The following KBTBD2 variants were observed in gnomAD, a reference collection of about 807,000 sequenced individuals.
The protein encoded by KBTBD2 is kelch repeat and BTB domain containing 2.
Under a neutral mutation model 57.1 loss-of-function variants are expected in KBTBD2, and 17 were observed. That is an observed-to-expected ratio of 0.30 (90% CI 0.20 to 0.45). The LOEUF (loss-of-function observed/expected upper bound fraction) is 0.45, where lower values mean the gene tolerates loss of function less well. Ranked by LOEUF, KBTBD2 falls within the 20% of genes least tolerant of loss-of-function variation. The probability of loss-of-function intolerance (pLI) is 1.00; values close to 1 mark genes in which losing one functional copy is unlikely to be tolerated. For missense variants in KBTBD2, 515 were observed against 750.6 expected (o/e 0.69, Z 3.67); for synonymous variants, 267 against 262.7 (o/e 1.02, Z -0.16).
intron 2 of KBTBD2, among the ~76,000 whole-genome samples, chr7:32,876,999 G>A (rs1784328724): frequency 6.6e-6 from 1 of 150,772 alleles, no homozygotes; most frequent in East Asian, 1.9e-4. Flanking sequence ...CCACTATAAA[G>A]AGCCAATAGG....
chr7:32,872,022 CCTG>C (rs1405490467), intron 3 of KBTBD2, among the ~76,000 whole-genome samples: 1 of 152,084 alleles, frequency 6.6e-6, no homozygotes, highest in African/African-American at 2.4e-5. Flanking sequence ...CTGAGAAATG[CCTG>C]CTTTTAAAAG....
intron 3 of KBTBD2, among the ~76,000 whole-genome samples, chr7:32,873,601 G>T (rs1447134602): frequency 6.6e-6 from 1 of 152,122 alleles, no homozygotes; most frequent in East Asian, 1.9e-4. Context: ...GGGCATGGTG[G>T]TACATGCCTG....
intron 2 of KBTBD2, among the ~76,000 whole-genome samples, chr7:32,877,578 T>C (rs1223605015): frequency 1.3e-5 from 2 of 152,160 alleles, no homozygotes; most frequent in African/African-American, 4.8e-5. Context: ...GCATTAGATG[T>C]AAAGATCTCG....
At chr7:32,888,150 T>G (rs2127957875) in intron 1 of KBTBD2, among the ~76,000 whole-genome samples, 1 of 152,320 alleles carries the variant, frequency 6.6e-6, no homozygotes, top group South Asian at 2.1e-4. Context: ...TATTGGGACT[T>G]TTTTGCAAAC....
chr7:32,887,493 CAAAT>C (rs1232900135), intron 1 of KBTBD2, among the ~76,000 whole-genome samples: 1 of 152,146 alleles, frequency 6.6e-6, no homozygotes, highest in East Asian at 1.9e-4. Flanking sequence ...TTGTAGCCCA[CAAAT>C]ACATACAATT....
chr7:32,878,106 T>C (rs886122442), intron 2 of KBTBD2, among the ~76,000 whole-genome samples: 8 of 148,090 alleles, frequency 5.4e-5, no homozygotes, highest in Non-Finnish European at 1.5e-5. Context: ...ATTGCGACTG[T>C]CTTTAAAAAA....
chr7:32,878,597 AAAAC>A (rs1485514186), intron 2 of KBTBD2, among the ~76,000 whole-genome samples: 7 of 152,088 alleles, frequency 4.6e-5, no homozygotes, highest in Non-Finnish European at 5.9e-5. Flanking sequence ...AAAAAAAACA[AAAAC>A]AAAACAAAAC....
chr7:32,884,668 C>T (rs921832745), intron 1 of KBTBD2, among the ~76,000 whole-genome samples: 1 of 151,810 alleles, frequency 6.6e-6, no homozygotes, highest in African/African-American at 2.4e-5. Context: ...CCAGCCTGGG[C>T]AACAAGAGAG....
chr7:32,881,894 A>T (rs546646369), intron 1 of KBTBD2, among the ~76,000 whole-genome samples: 2 of 152,318 alleles, frequency 1.3e-5, no homozygotes, highest in South Asian at 4.1e-4. Flanking sequence ...ACACTTTTCC[A>T]GATTTTATAG....
chr7:32,889,317 G>C (rs1308413628), intron 1 of KBTBD2, among the ~76,000 whole-genome samples: 2 of 151,112 alleles, frequency 1.3e-5, no homozygotes, highest in East Asian at 3.9e-4. Flanking sequence ...AATTACTTGA[G>C]ATCGGCCGTC....
At chr7:32,882,837 T>A (rs1455158348) in intron 1 of KBTBD2, among the ~76,000 whole-genome samples, 7 of 149,382 alleles carry the variant, frequency 4.7e-5, no homozygotes, top group Admixed American at 1.3e-4. Context: ...CACAAAAAAA[T>A]TAGCTGGACA....
At chr7:32,889,422 G>A (rs1416343799) in intron 1 of KBTBD2, among the ~76,000 whole-genome samples, 3 of 152,014 alleles carry the variant, frequency 2.0e-5, no homozygotes, top group African/African-American at 7.2e-5. Context: ...CCAACATGGT[G>A]AACCCTCATC....
intron 1 of KBTBD2, among the ~76,000 whole-genome samples, chr7:32,884,387 AT>A (rs776886805): frequency 0.019 from 2,143 of 115,140 alleles, 27 homozygotes; most frequent in South Asian, 0.024. Context: ...AAAATTTTTA[AT>A]TTAAAAAAAA....
intron 1 of KBTBD2, among the ~76,000 whole-genome samples, chr7:32,888,918 T>C (rs1011783290): frequency 1.3e-5 from 2 of 152,166 alleles, no homozygotes; most frequent in African/African-American, 4.8e-5. Flanking sequence ...ATAAAGGCAA[T>C]GCCACCTGCG....
chr7:32,870,142 T>C lies in KBTBD2; in HGVS notation c.1075A>G (p.Thr359Ala), dbSNP rs759534818. 3.7e-6 allele frequency: 6 copies of C among 1,614,198 alleles called. No homozygotes were observed. Among genetic ancestry groups the C allele is most frequent in the East Asian group, 2.2e-5 (1 of 44,876 alleles). Residue 359 changes from threonine to alanine, a missense_variant, in exon 4 of 4, where the codon ACC (threonine) becomes GCC (alanine). Transcript: ENST00000304056. Reference protein sequence around the residue: ...CFYWFDAQQNTWFPKTPMLFV... With the variant: ...CFYWFDAQQNAWFPKTPMLFV... Reference sequence around the variant, plus strand: ...AGCATTGGGGTCTTTGGAAACCAGGTATTTTGCTGTGCATCAAACCAATAA... The same window carrying C: ...AGCATTGGGGTCTTTGGAAACCAGGCATTTTGCTGTGCATCAAACCAATAA...
chr7:32,883,379 T>A (rs1355849190), intron 1 of KBTBD2, among the ~76,000 whole-genome samples: 1 of 152,116 alleles, frequency 6.6e-6, no homozygotes, highest in Admixed American at 6.6e-5. Context: ...ACAGCAAGAC[T>A]CTGTCTCACG....
chr7:32,870,884 G>T lies in KBTBD2; in HGVS notation c.337-4C>A. ...AACGTTGTAACACATCTTCTACCTA[G>T]AATGAGAAGGAAAAAAAAAACAGGC... On this transcript the variant is annotated splice_region_variant and splice_polypyrimidine_tract_variant and intron_variant, in intron 3 of 3. Transcript: ENST00000304056. 1 of 1,483,902 alleles carries T rather than the reference G, an allele frequency of 6.7e-7. No individual in the cohort carries two copies. The highest frequency in any genetic ancestry group is 1.3e-5 in the South Asian group (1 of 74,962). The allele number at this position is 1,483,902 out of a possible 1,614,324, so 91.9% of individuals were successfully genotyped here.
chr7:32,891,224 G>A (rs1158071424), intron 1 of KBTBD2: 1 of 150,372 alleles, frequency 6.7e-6, no homozygotes, highest in African/African-American at 2.4e-5. Context: ...GAGCCCCGCG[G>A]GCGCCGAGGC....
chr7:32,876,012 A>T (rs1161547229), intron 2 of KBTBD2, among the ~76,000 whole-genome samples: 1 of 152,190 alleles, frequency 6.6e-6, no homozygotes, highest in East Asian at 1.9e-4. Flanking sequence ...AAATGGGTAG[A>T]TTTTGTGGTA....
Sources: gnomAD v4.1 joint callset for allele counts (sites outside exome capture counted in the v4.1 genomes callset) on GRCh38, gnomAD v4.1.1 for gene constraint, MANE v1.5 for transcripts, NCBI Gene and HGNC (gene_info 2026-07-23, HGNC 2026-07-21) for gene names.